LRRC72: variants seen among roughly 807,000 people sequenced by gnomAD.
LRRC72 encodes leucine rich repeat containing 72, also known as leucine-rich repeat-containing protein 72.
A neutral mutation model predicts 35.8 loss-of-function variants in LRRC72; 41 were observed. That is an observed-to-expected ratio of 1.15 (90% CI 0.89 to 1.49). The LOEUF (loss-of-function observed/expected upper bound fraction) is 1.49. LRRC72 is among the 40% of genes most tolerant of loss of function. The pLI is 0.00. For synonymous variants in LRRC72, 118 were observed against 119.2 expected (o/e 0.99, Z 0.07); for missense variants, 389 against 330.7 (o/e 1.18, Z -1.37).
chr7:16,560,465 G>C (rs895143259), intron 5 of LRRC72, among the ~76,000 whole-genome samples: 1 of 152,236 alleles, frequency 6.6e-6, no homozygotes, highest in South Asian at 2.1e-4. Flanking sequence ...TTTTGGAGAC[G>C]TGAGAAGGCT....
At chr7:16,545,441 G>A (rs187822381) in intron 3 of LRRC72, among the ~76,000 whole-genome samples, 57 of 152,178 alleles carry the variant, frequency 3.7e-4, no homozygotes, top group Non-Finnish European at 6.8e-4. Flanking sequence ...GCTTTACAAC[G>A]TGCTTTGTAT....
intron 2 of LRRC72, among the ~76,000 whole-genome samples, chr7:16,534,579 G>A (rs577673418): frequency 1.6e-3 from 244 of 152,192 alleles, no homozygotes; most frequent in Non-Finnish European, 3.0e-3. Context: ...TAAAGTTTTA[G>A]TGTATTAAAA....
intron 5 of LRRC72, among the ~76,000 whole-genome samples, chr7:16,565,303 G>C (rs1782809521): frequency 6.6e-6 from 1 of 152,054 alleles, no homozygotes. Context: ...CGTGGTGGCA[G>C]GCGCCTGTAA....
intron 7 of LRRC72, among the ~76,000 whole-genome samples, chr7:16,578,834 G>A (rs1037598812): frequency 1.3e-5 from 2 of 152,150 alleles, no homozygotes; most frequent in African/African-American, 4.8e-5. Context: ...ACACTGGAGA[G>A]CGTTATACTA....
chr7:16,546,601 A>G (rs1180166585), intron 3 of LRRC72, among the ~76,000 whole-genome samples: 1 of 152,080 alleles, frequency 6.6e-6, no homozygotes, highest in Non-Finnish European at 1.5e-5. Context: ...GTTTTCTGCT[A>G]CATTCAGCCA....
intron 5 of LRRC72, among the ~76,000 whole-genome samples, chr7:16,564,541 C>T (rs1389825539): frequency 6.6e-6 from 1 of 151,656 alleles, no homozygotes; most frequent in African/African-American, 2.4e-5. Flanking sequence ...TTTTTCTTCT[C>T]ATTTTCTCCA....
intron 4 of LRRC72, among the ~76,000 whole-genome samples, chr7:16,557,768 A>C (rs1451118947): frequency 6.6e-6 from 1 of 152,204 alleles, no homozygotes; most frequent in Non-Finnish European, 1.5e-5. Context: ...AATAGTCTTA[A>C]AATTTTTTAT....
intron 7 of LRRC72, among the ~76,000 whole-genome samples, chr7:16,567,889 T>G (rs558468803): frequency 5.9e-5 from 9 of 152,146 alleles, no homozygotes; most frequent in South Asian, 4.2e-4. Context: ...TTTTACCAAT[T>G]AAGTCTATAT....
At chr7:16,569,441 C>A (rs1459941065) in intron 7 of LRRC72, among the ~76,000 whole-genome samples, 1 of 151,962 alleles carries the variant, frequency 6.6e-6, no homozygotes, top group African/African-American at 2.4e-5. Flanking sequence ...AAGGACAGGT[C>A]TCCTCAGAAG....
chr7:16,577,933 C>T (rs752686809), intron 7 of LRRC72, among the ~76,000 whole-genome samples: 3 of 152,242 alleles, frequency 2.0e-5, no homozygotes, highest in East Asian at 1.9e-4. Flanking sequence ...AATGTAAACT[C>T]GTTCAACTCT....
intron 2 of LRRC72, chr7:16,536,813 TA>T (rs1177036358): frequency 6.6e-6 from 1 of 152,240 alleles, no homozygotes; most frequent in Non-Finnish European, 1.5e-5. Context: ...TAAATATTGA[TA>T]TTTTTATGCT....
intron 5 of LRRC72, among the ~76,000 whole-genome samples, chr7:16,559,945 T>C (rs1017363656): frequency 1.3e-5 from 2 of 151,754 alleles, no homozygotes; most frequent in African/African-American, 4.8e-5. Flanking sequence ...ACTTTATTCA[T>C]ATATATTGAA....
rs149708810 is a variant in LRRC72 at position 16,536,557 on chromosome 7, AAT to A, written c.165-1067_165-1066del. 6.3e-3 allele frequency among the ~76,000 whole-genome samples: 963 copies of A among 152,204 alleles called. 16 individuals carry two copies. The highest frequency in any genetic ancestry group is 0.022 in the African/African-American group (905 of 41,530). On this transcript the variant is annotated intron_variant, in intron 2 of 8. Transcript: ENST00000401542. ...TAGATAGATAGTATGAGCATGTGAC[AAT>A]ATGTTAAAAATTACGATGGTTATAC...
At position 16,558,924 on chromosome 7, in the gene LRRC72, C is replaced by A; in HGVS notation, c.352C>A (p.Leu118Ile). The change falls in exon 5 of 9, where the codon CTA becomes ATA. Residue 118 changes from leucine (L) to isoleucine (I), a missense_variant. By Grantham distance (5) the Leu-to-Ile change is conservative. Coordinates refer to ENST00000401542, the MANE Select transcript of LRRC72 (RefSeq NM_001195280.2). ...HYLPSLHILL[L>I]HHNELTNIDA... ...TTTGCCTTCATTGCATATACTCCTG[C>A]TACACCACAATGAGCTAACCAACAT... 1 of 1,531,144 alleles carries A rather than the reference C, an allele frequency of 6.5e-7. No individual in the cohort carries two copies. Among genetic ancestry groups the A allele is most frequent in the Non-Finnish European group, 8.8e-7 (1 of 1,135,196 alleles). The allele number at this position is 1,531,144 out of a possible 1,614,324, so 94.8% of individuals were successfully genotyped here. A position where few individuals can be genotyped will look rare whatever the true frequency, so the allele number is the denominator to read the frequency against.
intron 5 of LRRC72, among the ~76,000 whole-genome samples, chr7:16,559,266 T>G (rs933762407): frequency 6.6e-6 from 1 of 151,892 alleles, no homozygotes; most frequent in African/African-American, 2.4e-5. Flanking sequence ...TGGTGGCGTA[T>G]GCCTGTAATC....
intron 5 of LRRC72, among the ~76,000 whole-genome samples, chr7:16,562,446 A>AT (rs1393380163): frequency 2.6e-5 from 4 of 152,000 alleles, no homozygotes; most frequent in Non-Finnish European, 1.5e-5. Flanking sequence ...TTTCTTTCTA[A>AT]TTTTCTGTTT....
At chr7:16,534,235 G>C (rs1782215219) in intron 2 of LRRC72, among the ~76,000 whole-genome samples, 1 of 152,124 alleles carries the variant, frequency 6.6e-6, no homozygotes, top group Admixed American at 6.5e-5. Context: ...ACAAGATGTT[G>C]ATAATTATTG....
At chr7:16,535,135 G>A (rs868432687) in intron 2 of LRRC72, among the ~76,000 whole-genome samples, 10 of 151,662 alleles carry the variant, frequency 6.6e-5, no homozygotes, top group African/African-American at 2.4e-4. Flanking sequence ...GTTGCAGTGA[G>A]CCGAGATGGA....
chr7:16,558,665 T>G (rs1562747416), intron 4 of LRRC72, among the ~76,000 whole-genome samples: 1 of 152,038 alleles, frequency 6.6e-6, no homozygotes, highest in Non-Finnish European at 1.5e-5. Context: ...AATTTACTCT[T>G]TATTCCCACA....
Sources: allele counts gnomAD v4.1 joint callset (sites outside exome capture counted in the v4.1 genomes callset), GRCh38; gene constraint gnomAD v4.1.1; transcripts MANE v1.5; gene names NCBI Gene and HGNC (gene_info 2026-07-23, HGNC 2026-07-21).